The following BIVM variants were observed in gnomAD, a reference collection of about 807,000 sequenced individuals.
The protein encoded by BIVM is basic immunoglobulin-like variable motif-containing protein.
Under a neutral mutation model 61.4 loss-of-function variants are expected in BIVM, and 31 were observed. That is an observed-to-expected ratio of 0.51 (90% confidence interval 0.38 to 0.68). The LOEUF (loss-of-function observed/expected upper bound fraction) is 0.68, where lower values mean the gene tolerates loss of function less well. Among genes scored for constraint, BIVM ranks in the 30% least tolerant of loss-of-function variants. The probability of loss-of-function intolerance (pLI) is 0.00; values close to 1 mark genes in which losing one functional copy is unlikely to be tolerated. For synonymous variants in BIVM, 189 were observed against 210.7 expected (o/e 0.90, Z 0.89); for missense variants, 526 against 596.0 (o/e 0.88, Z 1.22).
In BIVM at chr13:102,838,728, A is replaced by G; in HGVS notation, c.1207A>G (p.Lys403Glu). ...RHLERGLQYR[K>E]TKKVGGNLHC... ...CTTAGAGAGGGGACTGCAGTATAGA[A>G]AAACAAAGAAGGTAAGAAGAACACC... The change falls in exon 10 of 11, where the codon AAA becomes GAA. Residue 403 changes from lysine to glutamate, a missense_variant. Lys to Glu is a moderately conservative substitution (Grantham distance 56). Around this residue, in one of 3 missense-constraint regions of BIVM, gnomAD observed 210 missense variants for 233.1 expected, o/e 0.90. Transcript: ENST00000257336. 6.2e-7 allele frequency: 1 copy of G among 1,611,974 alleles called. No homozygotes were observed. The highest frequency in any genetic ancestry group is 8.5e-7 in the Non-Finnish European group (1 of 1,179,258).
rs771353551 is a variant in BIVM, at chr13:102,807,461, A to T, written c.194A>T (p.Lys65Ile). The T allele has an allele frequency of 3.5e-5, 57 of 1,614,022 alleles. 1 individual carries two copies. Among genetic ancestry groups the T allele is most frequent in the Non-Finnish European group, 4.7e-5 (55 of 1,180,050 alleles). Residue 65 changes from lysine to isoleucine, a missense_variant, in exon 3 of 11, where the codon AAA becomes ATA. Lys to Ile is a moderately radical substitution (Grantham distance 102). This residue lies in a region of BIVM where 312 missense variants were observed against 343.8 expected (regional missense o/e 0.91). Transcript: ENST00000257336. This position sits in a 1 kb window ranked among gnomAD's most constrained non-coding sequence, Gnocchi z 4.0. ...TGTCCAGTGACTCATACACGGGAAA[A>T]AATTTATGCCATCTGTTCGGACTAT... ...WSCPVTHTRE[K>I]IYAICSDYAF... is the part of the protein sequence containing the mutation.
At chr13:102,818,380 A>G (rs1231790047) in intron 4 of BIVM, among the ~76,000 whole-genome samples, 1 of 152,214 alleles carries the variant, frequency 6.6e-6, no homozygotes, top group Non-Finnish European at 1.5e-5. Context: ...TTTCTGAGTT[A>G]AAGATAAGCC....
At position 102,807,257 on chromosome 13, in the gene BIVM, C is replaced by T. The variant is rs536420750; in HGVS notation, c.-11C>T. Reference sequence around the variant, plus strand: ...TTGTTTCTAGTAATAGAAACTTTTACACTGCATTCAATGCCTAACGTTGCA... The same window carrying T: ...TTGTTTCTAGTAATAGAAACTTTTATACTGCATTCAATGCCTAACGTTGCA... On this transcript the variant is annotated 5_prime_UTR_variant, in exon 3 of 11. Transcript: ENST00000257336. This position sits in a 1 kb window ranked among gnomAD's most constrained non-coding sequence, Gnocchi z 4.0. 43 of 1,584,290 alleles carry T rather than the reference C, an allele frequency of 2.7e-5. No homozygotes were observed. The South Asian group carries it at 4.6e-4, about 17-fold the overall frequency.
intron 9 of BIVM, among the ~76,000 whole-genome samples, chr13:102,837,997 C>T (rs966095948): frequency 4.6e-5 from 7 of 151,890 alleles, no homozygotes; most frequent in African/African-American, 1.2e-4. Flanking sequence ...AAATCACCAC[C>T]GAAGAACTTA....
In BIVM at chr13:102,825,988, T is replaced by TA. The variant is rs2140484907; in HGVS notation, c.901+3830dup. Among the ~76,000 whole-genome samples, 2 of 152,282 alleles carry TA rather than the reference T, an allele frequency of 1.3e-5. 1 individual carries two copies. Among genetic ancestry groups the TA allele is most frequent in the South Asian group, 4.1e-4 (2 of 4,828 alleles). ...TTTCTTGAGGATTAGGCCAAGTTCT[T>TA]ACTCATTTGTGCATCACAGTGCCTG... On this transcript the variant is annotated intron_variant, in intron 7 of 10. Transcript: ENST00000257336.
At chr13:102,838,427 A>G (rs1356982437) in intron 9 of BIVM, among the ~76,000 whole-genome samples, 1 of 152,234 alleles carries the variant, frequency 6.6e-6, no homozygotes, top group South Asian at 2.1e-4. Flanking sequence ...AGAGTAACCA[A>G]TTGTACACTG....
At chr13:102,806,313 G>A (rs1004179588) in intron 2 of BIVM, among the ~76,000 whole-genome samples, 1 of 152,044 alleles carries the variant, frequency 6.6e-6, no homozygotes, top group Non-Finnish European at 1.5e-5. Flanking sequence ...GTAGTGGCGC[G>A]ATCTCGGCTC....
At chr13:102,819,819 A>G (rs3783235) in intron 4 of BIVM, among the ~76,000 whole-genome samples, 113,917 of 152,008 alleles carry the variant, frequency 0.75, 42,921 homozygotes, top group Non-Finnish European at 0.79. Context: ...CATAGTATAT[A>G]TACATATACA....
chr13:102,802,874 G>A (rs1190171935), intron 1 of BIVM, among the ~76,000 whole-genome samples: 2 of 150,602 alleles, frequency 1.3e-5, no homozygotes. Flanking sequence ...GCCTCCCAAA[G>A]CATAGATATT....
Position 102,816,560 on chromosome 13 carries a change from G to A in BIVM, c.605+6G>A. The A allele has an allele frequency of 1.3e-6, 2 of 1,514,642 alleles. No individual in the cohort carries two copies. Among genetic ancestry groups the A allele is most frequent in the Non-Finnish European group, 1.8e-6 (2 of 1,138,702 alleles). 93.8% of individuals were successfully genotyped at this position (1,514,642 alleles called of 1,614,324 possible). A position where few individuals can be genotyped will look rare whatever the true frequency, so the allele number is the denominator to read the frequency against. On this transcript the variant is annotated splice_donor_region_variant and intron_variant, in intron 4 of 10. Coordinates refer to ENST00000257336, the MANE Select transcript of BIVM (RefSeq NM_017693.4). ...GTATTAGACCTCAGACGATGGTGAT[G>A]TTATCAGTTTTTATTTTTTTCATTT... is the stretch of plus-strand genomic sequence containing the variant.
intron 4 of BIVM, chr13:102,816,757 C>A: frequency 2.6e-6 from 1 of 378,676 alleles, no homozygotes; most frequent in Non-Finnish European, 4.1e-6. Context: ...TTCCCAAACT[C>A]GGCTTATTAT....
chr13:102,814,859 C>A lies in BIVM; in HGVS notation c.479-1569C>A, dbSNP rs572296243. Reference sequence around the variant, plus strand: ...AGGAGTTTGAGACCAACCTGGGCAACATAGTGAGACCCTGACTTTGTTAAA... The same window carrying A: ...AGGAGTTTGAGACCAACCTGGGCAAAATAGTGAGACCCTGACTTTGTTAAA... On this transcript the variant is annotated intron_variant, in intron 3 of 10. Transcript: ENST00000257336. Among the ~76,000 whole-genome samples the A allele has an allele frequency of 3.3e-5, 5 of 152,248 alleles. No homozygotes were observed. In the South Asian group the frequency reaches 1.0e-3, roughly 32 times the overall value.
chr13:102,803,123 G>GACC (rs1421845446), intron 1 of BIVM, among the ~76,000 whole-genome samples: 1 of 135,318 alleles, frequency 7.4e-6, no homozygotes, highest in Non-Finnish European at 1.6e-5. Flanking sequence ...AAGAGGTCAA[G>GACC]ACCAGCCTAG....
At position 102,799,178 on chromosome 13, in the gene BIVM, T is replaced by G. The variant is rs1878578708; in HGVS notation, c.-550T>G. 2 of 383,026 alleles carry G rather than the reference T, an allele frequency of 5.2e-6. No individual in the cohort carries two copies. The highest frequency in any genetic ancestry group is 9.2e-6 in the Non-Finnish European group (2 of 216,888). 23.7% of individuals were successfully genotyped at this position (383,026 alleles called of 1,614,324 possible). On this transcript the variant is annotated 5_prime_UTR_variant, in exon 1 of 11. In the 5' UTR this introduces an upstream ATG that the reference lacks. Coordinates refer to ENST00000257336, the MANE Select transcript of BIVM (RefSeq NM_017693.4). Reference sequence around the variant, plus strand: ...ATTTTACCACCTCTCGCCCATTTATTTACTTCTCGGTCACCGCTTTCGGGG... The same window carrying G: ...ATTTTACCACCTCTCGCCCATTTATGTACTTCTCGGTCACCGCTTTCGGGG...
intron 1 of BIVM, among the ~76,000 whole-genome samples, chr13:102,802,581 G>T (rs1253620275): frequency 6.6e-6 from 1 of 151,988 alleles, no homozygotes; most frequent in Non-Finnish European, 1.5e-5. Context: ...CATGCCCTTG[G>T]ATTTTAGTGA....
intron 5 of BIVM, 56 bp from the exon 6 acceptor site, chr13:102,821,687 G>A (rs1187848384): frequency 5.3e-6 from 8 of 1,501,676 alleles, no homozygotes; most frequent in Admixed American, 1.8e-5. Flanking sequence ...GAGACAGGCT[G>A]TATTTGCGTA....
chr13:102,835,177 A>G (rs1218249607), intron 9 of BIVM, among the ~76,000 whole-genome samples: 3 of 152,074 alleles, frequency 2.0e-5, no homozygotes, highest in Non-Finnish European at 4.4e-5. Flanking sequence ...CCAGGAGTTC[A>G]AGGCCAACCT....
In BIVM at chr13:102,807,149, C is replaced by A; in HGVS notation, c.-119C>A. The A allele has an allele frequency of 9.5e-7, 1 of 1,049,168 alleles. No homozygotes were observed. 65.0% of individuals were successfully genotyped at this position (1,049,168 alleles called of 1,614,324 possible). On this transcript the variant is annotated 5_prime_UTR_variant, in exon 3 of 11. Transcript: ENST00000257336. The surrounding 1 kb of genome is among the most constrained non-coding windows in gnomAD (Gnocchi z 4.0). ...CATTCTTTTTCCTTCCTCTTAGGAG[C>A]TCATTTTGCAGCTCTCAAGCTTTTA...
At chr13:102,824,364 A>G (rs1357417219) in intron 7 of BIVM, among the ~76,000 whole-genome samples, 1 of 152,240 alleles carries the variant, frequency 6.6e-6, no homozygotes, top group East Asian at 1.9e-4. Context: ...CACAGAATAA[A>G]TACTAGTAAA....
Sources: gnomAD v4.1 joint callset for allele counts (sites outside exome capture counted in the v4.1 genomes callset) on GRCh38, gnomAD v4.1.1 for gene constraint, gnomAD v4.1.1 regional missense constraint, Gnocchi (gnomAD v3.1) non-coding constraint, MANE v1.5 for transcripts, NCBI Gene and HGNC (gene_info 2026-07-23, HGNC 2026-07-21) for gene names.